Variants in ADAMTS17 observed in about 807,000 individuals in gnomAD.
ADAMTS17 encodes A disintegrin and metalloproteinase with thrombospondin motifs 17.
A neutral mutation model predicts 141.5 loss-of-function variants in ADAMTS17; 113 were observed. The ratio of observed to expected loss-of-function variants is 0.80; its 90% CI spans 0.69 to 0.93. The LOEUF (loss-of-function observed/expected upper bound fraction) is 0.93, where lower values mean the gene tolerates loss of function less well. Among genes scored for constraint, ADAMTS17 ranks in the 40% least tolerant of loss-of-function variants. The pLI, the probability that ADAMTS17 is intolerant of heterozygous loss-of-function variation, is 0.00. For synonymous variants in ADAMTS17, 768 were observed against 630.6 expected, an observed-to-expected ratio of 1.22 and a Z score of -3.27; for missense variants, 1,659 against 1,517.9, an observed-to-expected ratio of 1.09 and a Z score of -1.54.
At chr15:100,301,667 G>C (rs150722268) in intron 3 of ADAMTS17, among the ~76,000 whole-genome samples, 1 of 152,044 alleles carries the variant, frequency 6.6e-6, no homozygotes, top group Non-Finnish European at 1.5e-5. Context: ...ATCATCTTTA[G>C]TAATTGGGTA....
intron 3 of ADAMTS17, chr15:100,305,891 A>G (rs12909911): frequency 0.086 from 13,028 of 152,354 alleles, 736 homozygotes; most frequent in Non-Finnish European, 0.12. Flanking sequence ...CACATTGTAC[A>G]TTTGAATATA....
chr15:100,021,699 G>A (rs980591797), intron 18 of ADAMTS17, among the ~76,000 whole-genome samples: 1 of 152,186 alleles, frequency 6.6e-6, no homozygotes, highest in Non-Finnish European at 1.5e-5. Flanking sequence ...TATATGCAGA[G>A]AAACAAAAAT....
intron 3 of ADAMTS17, among the ~76,000 whole-genome samples, chr15:100,308,858 T>C (rs2045313924): frequency 6.6e-6 from 1 of 152,164 alleles, no homozygotes. Flanking sequence ...TTTCGTGCCC[T>C]GGTCAGATGA....
At chr15:100,109,597 G>A (rs770204352) in intron 13 of ADAMTS17, among the ~76,000 whole-genome samples, 1 of 152,148 alleles carries the variant, frequency 6.6e-6, no homozygotes, top group Non-Finnish European at 1.5e-5. Context: ...GCTGCTGGGT[G>A]ACAGTCGAGC....
At chr15:100,089,227 A>G (rs986906505) in intron 15 of ADAMTS17, among the ~76,000 whole-genome samples, 3 of 142,086 alleles carry the variant, frequency 2.1e-5, no homozygotes, top group Non-Finnish European at 4.5e-5. Context: ...CAAAAAACAC[A>G]TGAAAAAATG....
chr15:99,984,094 C>T (rs116716571), intron 20 of ADAMTS17, among the ~76,000 whole-genome samples: 5 of 152,222 alleles, frequency 3.3e-5, no homozygotes, highest in Non-Finnish European at 7.3e-5. Context: ...CTGCTTTCTT[C>T]CCGGCAGTCT....
Position 100,262,540 on chromosome 15 carries a change from A to C in ADAMTS17, c.790-105T>G, listed in dbSNP as rs1180463624. ...GGACACAGAAAAGAGATTATGTAAAAATAAGGAAATAGAAATAAAGCGTAG... is the reference window on the plus strand; with the variant it reads ...GGACACAGAAAAGAGATTATGTAAACATAAGGAAATAGAAATAAAGCGTAG... On this transcript the variant is annotated intron_variant, in intron 4 of 21. Transcript: ENST00000268070. The C allele has an allele frequency of 2.8e-5, 23 of 814,550 alleles. No individual in the cohort carries two copies. In the South Asian group the frequency reaches 3.7e-4, roughly 13 times the overall value. The allele number at this position is 814,550 out of a possible 1,614,324, so 50.5% of individuals were successfully genotyped here.
chr15:100,151,059 T>G (rs190467820), intron 10 of ADAMTS17, among the ~76,000 whole-genome samples: 178 of 152,306 alleles, frequency 1.2e-3, no homozygotes, highest in African/African-American at 4.0e-3. Context: ...CGCTGCAGGA[T>G]GCTGGGGACG....
intron 7 of ADAMTS17, among the ~76,000 whole-genome samples, chr15:100,216,496 C>A (rs372568076): frequency 6.6e-6 from 1 of 152,178 alleles, no homozygotes; most frequent in African/African-American, 2.4e-5. Flanking sequence ...TCTTTATCTG[C>A]GCTGGGGGCC....
intron 8 of ADAMTS17, among the ~76,000 whole-genome samples, chr15:100,180,195 A>G (rs888049490): frequency 3.3e-5 from 5 of 152,180 alleles, no homozygotes; most frequent in Non-Finnish European, 7.3e-5. Context: ...GTTTTTGTAC[A>G]TCGCAAGAGA....
intron 3 of ADAMTS17, among the ~76,000 whole-genome samples, chr15:100,287,699 C>T (rs1040079609): frequency 2.6e-5 from 4 of 152,186 alleles, no homozygotes; most frequent in African/African-American, 9.7e-5. Flanking sequence ...AGCAGAAATT[C>T]TATAAGCCAG....
intron 7 of ADAMTS17, among the ~76,000 whole-genome samples, chr15:100,226,732 A>G (rs1013848032): frequency 5.3e-5 from 8 of 152,234 alleles, no homozygotes; most frequent in African/African-American, 1.9e-4. Flanking sequence ...GTGGATGCAG[A>G]GAAACCAATG....
At chr15:100,339,004 G>C (rs1412859926) in intron 2 of ADAMTS17, 3 of 985,394 alleles carry the variant, frequency 3.0e-6, no homozygotes, top group East Asian at 1.1e-4. Context: ...CGTACAGAGG[G>C]GGAAGTGTCC....
chr15:100,237,045 T>C (rs188532371), intron 7 of ADAMTS17, among the ~76,000 whole-genome samples: 24 of 152,300 alleles, frequency 1.6e-4, no homozygotes, highest in Admixed American at 1.2e-3. Context: ...AATCTGAAGC[T>C]GCAAGCCAAA....
At chr15:100,187,559 C>T (rs2141570150) in intron 8 of ADAMTS17, among the ~76,000 whole-genome samples, 1 of 152,300 alleles carries the variant, frequency 6.6e-6, no homozygotes, top group African/African-American at 2.4e-5. Context: ...ACTCTGAACC[C>T]CCAGATTCCA....
chr15:100,122,979 G>A (rs3919891), intron 12 of ADAMTS17, among the ~76,000 whole-genome samples: 3 of 152,072 alleles, frequency 2.0e-5, no homozygotes, highest in African/African-American at 7.2e-5. Context: ...GCGGCATAGA[G>A]AAGACAGAAG....
intron 7 of ADAMTS17, among the ~76,000 whole-genome samples, chr15:100,199,982 C>A (rs1445042597): frequency 6.6e-6 from 1 of 152,240 alleles, no homozygotes; most frequent in Non-Finnish European, 1.5e-5. Flanking sequence ...GACAGCACGC[C>A]CCGGAAGGCT....
chr15:100,217,111 A>AG (rs76581631), intron 7 of ADAMTS17, among the ~76,000 whole-genome samples: 57,237 of 152,062 alleles, frequency 0.38, 11,915 homozygotes, highest in African/African-American at 0.55. Flanking sequence ...TCTTTCTGAT[A>AG]GGAAAAATAA....
chr15:100,256,237 T>C (rs191628855), intron 6 of ADAMTS17, among the ~76,000 whole-genome samples: 48 of 152,258 alleles, frequency 3.2e-4, no homozygotes, highest in Admixed American at 2.3e-3. Context: ...CCTACATCCA[T>C]TGAAACCCCA....
Sources: gnomAD v4.1 joint callset for allele counts (sites outside exome capture counted in the v4.1 genomes callset) on GRCh38, gnomAD v4.1.1 for gene constraint, MANE v1.5 for transcripts, NCBI Gene and HGNC (gene_info 2026-07-23, HGNC 2026-07-21) for gene names.